The following EPGN variants were observed in gnomAD, a reference collection of about 807,000 sequenced individuals.
EPGN encodes the protein epigen.
EPGN carries 21 observed loss-of-function variants against 20.7 expected under a neutral mutation model. The ratio of observed to expected loss-of-function variants is 1.01; its 90% confidence interval spans 0.72 to 1.46. The LOEUF (loss-of-function observed/expected upper bound fraction) is 1.46. Among genes scored for constraint, EPGN ranks in the 40% most tolerant of loss-of-function variants. EPGN has a pLI of 0.00. For synonymous variants in EPGN, 69 were observed against 63.8 expected, an observed-to-expected ratio of 1.08 and a Z score of -0.39; for missense variants, 199 against 180.7, an observed-to-expected ratio of 1.10 and a Z score of -0.58.
chr4:74,310,461 C>CAAA lies in EPGN; in HGVS notation c.133+1301_133+1303dup, dbSNP rs10586282. 9.1e-3 allele frequency among the ~76,000 whole-genome samples: 375 copies of CAAA among 41,012 alleles called. 2 individuals carry two copies. Among genetic ancestry groups the CAAA allele is most frequent in the Middle Eastern group, 0.023 (2 of 86 alleles). The allele number at this position is 41,012 out of a possible 152,430, so 26.9% of individuals were successfully genotyped here. A position where few individuals can be genotyped will look rare whatever the true frequency, so the allele number is the denominator to read the frequency against. On this transcript the variant is annotated intron_variant, in intron 2 of 4. Transcript: ENST00000413830. ...GGGGTGACAGAGTGAGAGTCCGTCT[C>CAAA]AAAAAAAAAAAAAAAAAAAAAAAAG...
intron 1 of EPGN, 105 bp from the exon 2 acceptor site, chr4:74,308,988 T>A (rs1056147719): frequency 3.5e-6 from 3 of 864,124 alleles, no homozygotes; most frequent in Non-Finnish European, 5.5e-6. Flanking sequence ...TGTAATAAAT[T>A]AAAAAAATAG....
intron 4 of EPGN, 81 bp from the exon 5 acceptor site, chr4:74,314,499 C>A: frequency 1.4e-6 from 2 of 1,382,428 alleles, no homozygotes. Context: ...AGAGCAACTG[C>A]TGCAGGGTGC....
At position 74,316,107 on chromosome 4, in the gene EPGN, T is replaced by C. The variant is rs1322124812; in HGVS notation, c.*1470T>C. On this transcript the variant is annotated 3_prime_UTR_variant, in exon 5 of 5. Coordinates refer to ENST00000413830, the MANE Select transcript of EPGN (RefSeq NM_001270989.2). ...AAAACTTGACAGTGGAATAAGGAAA[T>C]GTTTTTCCAAATCTGCATTGCCGGT... Among the ~76,000 whole-genome samples, 1 of 152,124 alleles carries C rather than the reference T, an allele frequency of 6.6e-6. No individual in the cohort carries two copies. Among genetic ancestry groups the C allele is most frequent in the African/African-American group, 2.4e-5 (1 of 41,406 alleles).
intron 1 of EPGN, 34 bp from the exon 2 acceptor site, chr4:74,309,059 C>T (rs759168465): frequency 2.3e-5 from 35 of 1,503,660 alleles, no homozygotes; most frequent in Non-Finnish European, 3.2e-5. Context: ...GAAGGAGGCT[C>T]TCTGTTAAAG....
chr4:74,315,257 C>A lies in EPGN; in HGVS notation c.*620C>A, dbSNP rs1751215896. 6.6e-6 allele frequency: 1 copy of A among 152,378 alleles called. No individual in the cohort carries two copies. The highest frequency in any genetic ancestry group is 2.4e-5 in the African/African-American group (1 of 41,444). The allele number at this position is 152,378 out of a possible 1,614,324, so 9.4% of individuals were successfully genotyped here. ...AATACAAATCATACACAGCTTGTAACAACATACAGCCTTTCTATGTGAAAT... is the reference window on the plus strand; with the variant it reads ...AATACAAATCATACACAGCTTGTAAAAACATACAGCCTTTCTATGTGAAAT... On this transcript the variant is annotated 3_prime_UTR_variant, in exon 5 of 5. Transcript: ENST00000413830.
rs533511885 is a variant in EPGN, at chr4:74,315,617, G to C, written c.*980G>C. On this transcript the variant is annotated 3_prime_UTR_variant, in exon 5 of 5. Coordinates refer to ENST00000413830, the MANE Select transcript of EPGN (RefSeq NM_001270989.2). The stretch of plus-strand genomic sequence containing the variant: ...ACACTTGTTAACAGATTTGCACATA[G>C]AGGGAGAGAAAAAAAATGGAGTAAC... Among the ~76,000 whole-genome samples the C allele has an allele frequency of 6.6e-6, 1 of 152,188 alleles. No homozygotes were observed. The highest frequency in any genetic ancestry group is 2.1e-4 in the South Asian group (1 of 4,816).
intron 3 of EPGN, 50 bp from the exon 4 acceptor site, chr4:74,312,968 A>G: frequency 7.2e-7 from 1 of 1,392,950 alleles, no homozygotes; most frequent in Non-Finnish European, 9.8e-7. Context: ...GGTTATTTGT[A>G]TTTCTACCAC....
In EPGN at chr4:74,316,128, C is replaced by T. The variant is rs1349854393; in HGVS notation, c.*1491C>T. On this transcript the variant is annotated 3_prime_UTR_variant, in exon 5 of 5. Transcript: ENST00000413830. ...GAAATGTTTTTCCAAATCTGCATTG[C>T]CGGTGAGATCCTCAACATCAGCATG... Among the ~76,000 whole-genome samples, 1 of 152,102 alleles carries T rather than the reference C, an allele frequency of 6.6e-6. No homozygotes were observed. Among genetic ancestry groups the T allele is most frequent in the Non-Finnish European group, 1.5e-5 (1 of 68,024 alleles).
rs1751160890 is a variant in EPGN at position 74,314,366 on chromosome 4, G to T, written c.408-214G>T. 8 of 595,174 alleles carry T rather than the reference G, an allele frequency of 1.3e-5. No individual in the cohort carries two copies. In the South Asian group the frequency reaches 1.6e-4, roughly 12 times the overall value. 36.9% of individuals were successfully genotyped at this position (595,174 alleles called of 1,614,324 possible). On this transcript the variant is annotated intron_variant, in intron 4 of 4. Coordinates refer to ENST00000413830, the MANE Select transcript of EPGN (RefSeq NM_001270989.2). Reference sequence around the variant, plus strand: ...CTTGTAATCTCCCAGCAATCTCCTGGCAGGGCACTCAGTTGGCTATGGGCA... The same window carrying T: ...CTTGTAATCTCCCAGCAATCTCCTGTCAGGGCACTCAGTTGGCTATGGGCA...
At chr4:74,312,395 C>G in intron 3 of EPGN, 90 bp downstream of exon 3, 2 of 1,433,756 alleles carry the variant, frequency 1.4e-6, no homozygotes, top group Non-Finnish European at 1.9e-6. Context: ...ACTTTTCTCT[C>G]TTTAGTTTAA....
rs1011255300 is a variant in EPGN, at chr4:74,314,645, G to C, written c.*8G>C. 7.8e-6 allele frequency: 12 copies of C among 1,535,910 alleles called. No individual in the cohort carries two copies. The highest frequency in any genetic ancestry group is 3.3e-4 in the Middle Eastern group (2 of 5,982). On this transcript the variant is annotated 3_prime_UTR_variant, in exon 5 of 5. Coordinates refer to ENST00000413830, the MANE Select transcript of EPGN (RefSeq NM_001270989.2). ...GAAAGACGACCACTGTGAGGCCTTT[G>C]TGAAGAATTTTCATCAAGGCATCTG...
At chr4:74,314,473 T>G in intron 4 of EPGN, 107 bp from the exon 5 acceptor site, 1 of 1,086,006 alleles carries the variant, frequency 9.2e-7, no homozygotes, top group Non-Finnish European at 1.3e-6. Flanking sequence ...GTAAAGGGGA[T>G]CTGGGTGGGA....
At position 74,315,334 on chromosome 4, in the gene EPGN, T is replaced by C. The variant is rs1165265515; in HGVS notation, c.*697T>C. ...AGACTGAAGCTATCTGGATATCAAG[T>C]CTGGAGTAGGCAAAGCATTTCCATT... On this transcript the variant is annotated 3_prime_UTR_variant, in exon 5 of 5. Transcript: ENST00000413830. 6.6e-6 allele frequency: 1 copy of C among 152,236 alleles called. No individual in the cohort carries two copies. Among genetic ancestry groups the C allele is most frequent in the African/African-American group, 2.4e-5 (1 of 41,456 alleles). 9.4% of individuals were successfully genotyped at this position (152,236 alleles called of 1,614,324 possible).
Position 74,314,447 on chromosome 4 carries a change from A to G in EPGN, c.408-133A>G, listed in dbSNP as rs920012284. 3.6e-6 allele frequency: 3 copies of G among 824,506 alleles called. No homozygotes were observed. The African/African-American group carries it at 5.1e-5, about 14-fold the overall frequency. The allele number at this position is 824,506 out of a possible 1,614,324, so 51.1% of individuals were successfully genotyped here. ...TGTTAATGCCCACAGCTGCTGAGGGATGGGTTGACCAATGGGTAAAGGGGA... is the reference window on the plus strand; with the variant it reads ...TGTTAATGCCCACAGCTGCTGAGGGGTGGGTTGACCAATGGGTAAAGGGGA... On this transcript the variant is annotated intron_variant, in intron 4 of 4. Transcript: ENST00000413830.
chr4:74,315,967 A>AAAATCAGT lies in EPGN; in HGVS notation c.*1332_*1333insATCAGTAA, dbSNP rs897617148. On this transcript the variant is annotated 3_prime_UTR_variant, in exon 5 of 5. Transcript: ENST00000413830. ...AACTCCATCTCAAAAAAAAAAAAAA[A>AAAATCAGT]AATCAGTATCCTTCCTCTTAGTTAT... Among the ~76,000 whole-genome samples, 3 of 151,824 alleles carry AAAATCAGT rather than the reference A, an allele frequency of 2.0e-5. No individual in the cohort carries two copies. Among genetic ancestry groups the AAAATCAGT allele is most frequent in the African/African-American group, 7.3e-5 (3 of 41,318 alleles).
In EPGN at chr4:74,315,006, T is replaced by A. The variant is rs1447392087; in HGVS notation, c.*369T>A. On this transcript the variant is annotated 3_prime_UTR_variant, in exon 5 of 5. Transcript: ENST00000413830. Reference sequence around the variant, plus strand: ...CCTTGCAGCAAGCCAAAGCAATGCCTCGCTTGGGTTCTTCATGTTCTTACT... The same window carrying A: ...CCTTGCAGCAAGCCAAAGCAATGCCACGCTTGGGTTCTTCATGTTCTTACT... 3 of 210,994 alleles carry A rather than the reference T, an allele frequency of 1.4e-5. No individual in the cohort carries two copies. In the Admixed American group the frequency reaches 1.7e-4, roughly 12 times the overall value. The allele number at this position is 210,994 out of a possible 1,614,324, so 13.1% of individuals were successfully genotyped here.
intron 3 of EPGN, among the ~76,000 whole-genome samples, chr4:74,312,726 A>G (rs971787030): frequency 6.6e-6 from 1 of 152,212 alleles, no homozygotes; most frequent in African/African-American, 2.4e-5. Flanking sequence ...TTTTATGATC[A>G]TGATTTGCTC....
chr4:74,313,892 G>T (rs1447436265), intron 4 of EPGN, among the ~76,000 whole-genome samples: 1 of 152,066 alleles, frequency 6.6e-6, no homozygotes, highest in Non-Finnish European at 1.5e-5. Flanking sequence ...TTCAAAATTA[G>T]AAAAGTTTGT....
rs1404310276 is a variant in EPGN at position 74,313,017 on chromosome 4, G to C, written c.255-1G>C. ...ATTAAACTTTTTTTCTTTTTTTAAA[G>C]GTGTTTTACTGGTTATACTGGAGAA... On this transcript the variant is annotated splice_acceptor_variant, in intron 3 of 4. Coordinates refer to ENST00000413830, the MANE Select transcript of EPGN (RefSeq NM_001270989.2). LOFTEE classifies it high-confidence loss of function. 6.3e-6 allele frequency: 10 copies of C among 1,580,640 alleles called. No individual in the cohort carries two copies. The highest frequency in any genetic ancestry group is 8.5e-6 in the Non-Finnish European group (10 of 1,171,598).
Sources: allele counts gnomAD v4.1 joint callset (sites outside exome capture counted in the v4.1 genomes callset), GRCh38; gene constraint gnomAD v4.1.1; transcripts MANE v1.5; gene names NCBI Gene and HGNC (gene_info 2026-07-23, HGNC 2026-07-21).